The following FREM2 variants were observed in gnomAD, a reference collection of about 807,000 sequenced individuals.
FREM2 encodes the protein FRAS1 related extracellular matrix 2, also known as FRAS1-related extracellular matrix protein 2.
In FREM2, 119 loss-of-function variants were observed where a neutral mutation model predicts 219.9. The observed-to-expected ratio is 0.54, with a 90% confidence interval of 0.47 to 0.63. The LOEUF (loss-of-function observed/expected upper bound fraction) is 0.63, where lower values mean the gene tolerates loss of function less well. FREM2 is among the 30% of genes least tolerant of loss of function. The pLI is 0.00. For synonymous variants in FREM2, 1,562 were observed against 1,522.8 expected, an observed-to-expected ratio of 1.03 and a Z score of -0.60; for missense variants, 4,030 against 3,993.6, an observed-to-expected ratio of 1.01 and a Z score of -0.25.
intron 6 of FREM2, among the ~76,000 whole-genome samples, chr13:38,826,627 A>G (rs748458450): frequency 1.9e-4 from 29 of 152,104 alleles, no homozygotes; most frequent in Non-Finnish European, 3.8e-4. Flanking sequence ...TTGAGTGTCA[A>G]TCACATGCTT....
chr13:38,757,174 G>A (rs1393751434), intron 2 of FREM2, among the ~76,000 whole-genome samples: 1 of 152,134 alleles, frequency 6.6e-6, no homozygotes, highest in African/African-American at 2.4e-5. Context: ...GGAAACTTGT[G>A]TACAAATACC....
intron 6 of FREM2, among the ~76,000 whole-genome samples, chr13:38,810,603 A>G (rs1387392923): frequency 2.0e-5 from 3 of 152,102 alleles, no homozygotes; most frequent in Non-Finnish European, 4.4e-5. Flanking sequence ...TATTCTGTTT[A>G]TATGATGTAA....
intron 6 of FREM2, among the ~76,000 whole-genome samples, chr13:38,788,928 C>A (rs1371484589): frequency 6.6e-6 from 1 of 152,024 alleles, no homozygotes; most frequent in Non-Finnish European, 1.5e-5. Context: ...TCTTTTCCTT[C>A]AATCTGTTAG....
At chr13:38,833,623 A>G (rs911852219) in intron 6 of FREM2, among the ~76,000 whole-genome samples, 1 of 152,276 alleles carries the variant, frequency 6.6e-6, no homozygotes, top group Non-Finnish European at 1.5e-5. Flanking sequence ...TAATTCAATG[A>G]GTTTACTAGC....
chr13:38,875,980 T>C (rs1230612392), intron 18 of FREM2, 42 bp from the exon 19 acceptor site: 1 of 1,563,970 alleles, frequency 6.4e-7, no homozygotes, highest in Admixed American at 1.7e-5. Flanking sequence ...CTCTTTTAAT[T>C]GAACCACTAT....
At chr13:38,865,570 A>G (rs1475481822) in intron 16 of FREM2, among the ~76,000 whole-genome samples, 2 of 152,190 alleles carry the variant, frequency 1.3e-5, no homozygotes, top group African/African-American at 2.4e-5. Context: ...GAAATATGTA[A>G]CAACCAGTAG....
At chr13:38,843,220 CTCTTAT>C in intron 6 of FREM2, among the ~76,000 whole-genome samples, 1 of 152,214 alleles carries the variant, frequency 6.6e-6, no homozygotes, top group Admixed American at 6.5e-5. Flanking sequence ...TTTGATCATC[CTCTTAT>C]TCTAAGTAAT....
chr13:38,721,297 G>A (rs1871236046), intron 2 of FREM2, among the ~76,000 whole-genome samples: 1 of 152,160 alleles, frequency 6.6e-6, no homozygotes, highest in Non-Finnish European at 1.5e-5. Context: ...GGAGAGTGAT[G>A]TAAACTGACA....
At chr13:38,714,301 A>G (rs1355404742) in intron 2 of FREM2, among the ~76,000 whole-genome samples, 1 of 152,234 alleles carries the variant, frequency 6.6e-6, no homozygotes, top group Non-Finnish European at 1.5e-5. Flanking sequence ...ACCACAGGGC[A>G]TGGGGCTACA....
intron 16 of FREM2, among the ~76,000 whole-genome samples, chr13:38,865,704 G>A (rs956313720): frequency 1.3e-5 from 2 of 152,146 alleles, no homozygotes; most frequent in South Asian, 2.1e-4. Context: ...TAGCCACCTT[G>A]TCAAAAAGCA....
intron 16 of FREM2, among the ~76,000 whole-genome samples, chr13:38,865,050 C>T (rs1295655025): frequency 6.6e-6 from 1 of 152,130 alleles, no homozygotes; most frequent in African/African-American, 2.4e-5. Context: ...TGACTTTCTT[C>T]TTCCCCTACA....
At chr13:38,868,463 A>C (rs918564341) in intron 16 of FREM2, among the ~76,000 whole-genome samples, 3 of 152,240 alleles carry the variant, frequency 2.0e-5, no homozygotes, top group African/African-American at 7.2e-5. Context: ...TGTAGCTTGT[A>C]CACCTATGCT....
Position 38,762,640 on chromosome 13 carries a change from T to C in FREM2, c.5264-1664T>C, listed in dbSNP as rs558252820. Among the ~76,000 whole-genome samples the C allele has an allele frequency of 7.6e-4, 116 of 152,174 alleles. 1 individual carries two copies. The highest frequency in any genetic ancestry group is 2.6e-3 in the African/African-American group (110 of 41,536). On this transcript the variant is annotated intron_variant, in intron 2 of 23. Transcript: ENST00000280481. Reference sequence around the variant, plus strand: ...TTTTAGTAGAGACGGGGTTTCTCTATGTTGGTTAGGCTGGGCTTGAACTCC... The same window carrying C: ...TTTTAGTAGAGACGGGGTTTCTCTACGTTGGTTAGGCTGGGCTTGAACTCC...
rs1362596298 is a variant in FREM2, at chr13:38,687,794, C to T, written c.450C>T (p.Arg150=). Residue 150 remains arginine (R), a synonymous_variant, in exon 1 of 24, where the codon CGC becomes CGT. Transcript: ENST00000280481. ...GCGCGCGCAGCCCGTCTCGGGACCG[C>T]GTCCGGCTGCAGCTGCGCTATGACG... ...HLGARSPSRD[R]VRLQLRYDAP... 9 of 1,538,308 alleles carry T rather than the reference C, an allele frequency of 5.9e-6. No individual in the cohort carries two copies. Among genetic ancestry groups the T allele is most frequent in the Middle Eastern group, 1.7e-4 (1 of 5,756 alleles).
In FREM2 at chr13:38,692,348, C is replaced by T. The variant is rs1869924562; in HGVS notation, c.5004C>T (p.Arg1668=). 2 of 1,603,662 alleles carry T rather than the reference C, an allele frequency of 1.2e-6. No individual in the cohort carries two copies. Among genetic ancestry groups the T allele is most frequent in the Non-Finnish European group, 8.5e-7 (1 of 1,174,380 alleles). The part of the protein sequence containing the change: ...IAVNKGASTL[R]TLATGHLGFM... ...TGAATAAGGGGGCCTCTACACTTCG[C>T]ACTCTAGCCACTGGCCACTTGGGGT... The change falls in exon 1 of 24, where the codon CGC becomes CGT. Residue 1668 remains arginine, a synonymous_variant. Coordinates refer to ENST00000280481, the MANE Select transcript of FREM2 (RefSeq NM_207361.6).
At chr13:38,701,959 A>G (rs917104114) in intron 2 of FREM2, among the ~76,000 whole-genome samples, 1 of 152,172 alleles carries the variant, frequency 6.6e-6, no homozygotes, top group Non-Finnish European at 1.5e-5. Flanking sequence ...CACGAGGTAA[A>G]TACTTACCGA....
Position 38,690,487 on chromosome 13 carries a change from A to T in FREM2, c.3143A>T (p.Asn1048Ile). ...DMSQEWRIGG[N>I]TIQGVTIWVT... is the part of the protein sequence containing the mutation. Reference sequence around the variant, plus strand: ...TCTCAAGAATGGAGAATTGGTGGCAATACTATCCAAGGAGTTACTATATGG... The same window carrying T: ...TCTCAAGAATGGAGAATTGGTGGCATTACTATCCAAGGAGTTACTATATGG... The change falls in exon 1 of 24, where the codon AAT becomes ATT. Residue 1048 changes from asparagine (N) to isoleucine (I), a missense_variant. Around this residue, in one of 2 missense-constraint regions of FREM2, gnomAD observed 3,102 missense variants for 2,950.7 expected, o/e 1.05. Transcript: ENST00000280481. 1 of 1,614,218 alleles carries T rather than the reference A, an allele frequency of 6.2e-7. No homozygotes were observed. The highest frequency in any genetic ancestry group is 8.5e-7 in the Non-Finnish European group (1 of 1,180,036).
At chr13:38,701,372 TC>T (rs1273638486) in intron 2 of FREM2, among the ~76,000 whole-genome samples, 1 of 152,132 alleles carries the variant, frequency 6.6e-6, no homozygotes, top group African/African-American at 2.4e-5. Flanking sequence ...TTAGCTGTCT[TC>T]CATTTCTTTT....
At chr13:38,845,088 T>C (rs1165992916) in intron 6 of FREM2, among the ~76,000 whole-genome samples, 2 of 152,236 alleles carry the variant, frequency 1.3e-5, no homozygotes, top group Admixed American at 6.5e-5. Flanking sequence ...AACCAAAATA[T>C]GTGAACAAAA....
Sources: gnomAD v4.1 joint callset for allele counts (sites outside exome capture counted in the v4.1 genomes callset) on GRCh38, gnomAD v4.1.1 for gene constraint, gnomAD v4.1.1 regional missense constraint, MANE v1.5 for transcripts, NCBI Gene and HGNC (gene_info 2026-07-23, HGNC 2026-07-21) for gene names.